DCLRE1A: variants seen among roughly 807,000 people sequenced by gnomAD.
DCLRE1A encodes the protein DNA cross-link repair 1A, also known as DNA cross-link repair 1A protein.
DCLRE1A carries 64 observed loss-of-function variants against 91.9 expected under a neutral mutation model. That is an observed-to-expected ratio of 0.70 (90% CI 0.57 to 0.86). The LOEUF (loss-of-function observed/expected upper bound fraction) is 0.86, where lower values mean the gene tolerates loss of function less well. DCLRE1A is among the 40% of genes least tolerant of loss of function. The pLI is 0.00. For synonymous variants in DCLRE1A, 416 were observed against 431.1 expected, an observed-to-expected ratio of 0.96 and a Z score of 0.43; for missense variants, 1,145 against 1,213.3, an observed-to-expected ratio of 0.94 and a Z score of 0.84.
intron 7 of DCLRE1A, 73 bp from the exon 8 acceptor site, chr10:113,837,276 G>GTT (rs1295828576): frequency 7.2e-7 from 1 of 1,397,360 alleles, no homozygotes; most frequent in African/African-American, 1.4e-5. Flanking sequence ...GATTAAAGAT[G>GTT]TTATACTGGC....
At chr10:113,838,875 T>C (rs1845401377) in intron 7 of DCLRE1A, among the ~76,000 whole-genome samples, 2 of 152,188 alleles carry the variant, frequency 1.3e-5, no homozygotes, top group South Asian at 4.1e-4. Flanking sequence ...TTTCAAAGGC[T>C]TTCAGGCATG....
At position 113,845,692 on chromosome 10, in the gene DCLRE1A, C is replaced by A; in HGVS notation, c.2371G>T (p.Ala791Ser). ...GATGACTTTAATACTTACTGATTGG[C>A]ATCAAGCAAAACAACTTTGACACCA... ...VNGVKVVLLDANHCPGAVMIL... is the reference protein window; with the variant it reads ...VNGVKVVLLDSNHCPGAVMIL... Residue 791 changes from alanine to serine, a missense_variant, in exon 4 of 9, where the codon GCC becomes TCC. Ala to Ser is a moderately conservative substitution (Grantham distance 99, BLOSUM62 1). Coordinates refer to ENST00000361384, the MANE Select transcript of DCLRE1A (RefSeq NM_014881.5). 2 of 1,613,490 alleles carry A rather than the reference C, an allele frequency of 1.2e-6. No homozygotes were observed. Among genetic ancestry groups the A allele is most frequent in the Non-Finnish European group, 1.7e-6 (2 of 1,179,454 alleles).
chr10:113,849,536 T>G lies in DCLRE1A; in HGVS notation c.1569A>C (p.Thr523=), dbSNP rs376036672. ...GAGCAGGTGTACTAGACAAGTTTTC[T>G]GTATTTAAAATTGTAGCTTTACCAA... The part of the protein sequence containing the change: ...VPVGKATILN[T]ENLSSTPAPK... The change falls in exon 2 of 9, where the codon ACA becomes ACC. Residue 523 remains threonine (T), a synonymous_variant. Coordinates refer to ENST00000361384, the MANE Select transcript of DCLRE1A (RefSeq NM_014881.5). 9.9e-6 allele frequency: 16 copies of G among 1,613,722 alleles called. No homozygotes were observed. In the Admixed American group the frequency reaches 2.2e-4, roughly 22 times the overall value.
At chr10:113,840,836 C>T (rs1845434640) in intron 7 of DCLRE1A, among the ~76,000 whole-genome samples, 1 of 152,082 alleles carries the variant, frequency 6.6e-6, no homozygotes, top group Non-Finnish European at 1.5e-5. Flanking sequence ...ATGGAATAAA[C>T]GTTAGTTAGT....
At position 113,837,142 on chromosome 10, in the gene DCLRE1A, G is replaced by A. The variant is rs757564329; in HGVS notation, c.2882C>T (p.Pro961Leu). Residue 961 changes from proline to leucine, a missense_variant, in exon 8 of 9, where the codon CCT becomes CTT. Physicochemically the swap from Pro to Leu is moderately conservative, Grantham distance 98. Coordinates refer to ENST00000361384, the MANE Select transcript of DCLRE1A (RefSeq NM_014881.5). Reference sequence around the variant, plus strand: ...CTTGTTAGAGTGTGTCCATCCTGTAGGTCGAAATGCCAAAATCTGATTGTA... The same window carrying A: ...CTTGTTAGAGTGTGTCCATCCTGTAAGTCGAAATGCCAAAATCTGATTGTA... ...GKYNQILAFRPTGWTHSNKFT... is the reference protein window; with the variant it reads ...GKYNQILAFRLTGWTHSNKFT... The A allele has an allele frequency of 2.5e-6, 4 of 1,613,382 alleles. No homozygotes were observed. The highest frequency in any genetic ancestry group is 4.5e-5 in the East Asian group (2 of 44,800).
Position 113,842,507 on chromosome 10 carries a change from G to C in DCLRE1A, c.2520-19C>G, listed in dbSNP as rs199662781. On this transcript the variant is annotated intron_variant, in intron 5 of 8. Coordinates refer to ENST00000361384, the MANE Select transcript of DCLRE1A (RefSeq NM_014881.5). ...ACAATATCTGTGGTATGGAAACATG[G>C]TACTTACTAAAAGAACAATAAAAAA... 5.0e-6 allele frequency: 8 copies of C among 1,603,890 alleles called. No individual in the cohort carries two copies. In the East Asian group the frequency reaches 1.6e-4, roughly 31 times the overall value.
At chr10:113,836,527 G>A (rs1343748628) in intron 8 of DCLRE1A, among the ~76,000 whole-genome samples, 3 of 152,096 alleles carry the variant, frequency 2.0e-5, no homozygotes, top group Non-Finnish European at 4.4e-5. Context: ...TGAAGATCAA[G>A]TACCACAGAG....
Position 113,849,436 on chromosome 10 carries a change from T to C in DCLRE1A, c.1669A>G (p.Met557Val), listed in dbSNP as rs1424574666. 1 of 1,614,126 alleles carries C rather than the reference T, an allele frequency of 6.2e-7. No individual in the cohort carries two copies. The highest frequency in any genetic ancestry group is 1.1e-5 in the South Asian group (1 of 91,078). Reference sequence around the variant, plus strand: ...AGTCCAAAATACACACCTATATCCATTTGCTTCATTACCTTGGTAGAAGGA... The same window carrying C: ...AGTCCAAAATACACACCTATATCCACTTGCTTCATTACCTTGGTAGAAGGA... ...RHPSTKVMKQMDIGVYFGLPP... is the reference protein window; with the variant it reads ...RHPSTKVMKQVDIGVYFGLPP... The change falls in exon 2 of 9, where the codon ATG (methionine) becomes GTG (valine). Residue 557 changes from methionine (M) to valine (V), a missense_variant. Met to Val is a conservative substitution (Grantham distance 21). Transcript: ENST00000361384.
rs752971626 is a variant in DCLRE1A, at chr10:113,844,147, G to A, written c.2476C>T (p.Leu826Phe). Residue 826 changes from leucine to phenylalanine, a missense_variant, in exon 5 of 9, where the codon CTT (leucine) becomes TTT (phenylalanine). Coordinates refer to ENST00000361384, the MANE Select transcript of DCLRE1A (RefSeq NM_014881.5). ...ATATGGACTTTCTGGTCCGCAAGAA[G>A]AGAACGTTCCATGCTGGGATCTGCT... is the stretch of plus-strand genomic sequence containing the variant. ...FRADPSMERS[L>F]LADQKVHMLY... The A allele has an allele frequency of 6.2e-7, 1 of 1,614,176 alleles. No homozygotes were observed. Among genetic ancestry groups the A allele is most frequent in the Non-Finnish European group, 8.5e-7 (1 of 1,180,022 alleles).
In DCLRE1A at chr10:113,841,486, G is replaced by A. The variant is rs377452937; in HGVS notation, c.2740C>T (p.Pro914Ser). The change falls in exon 7 of 9, where the codon CCA becomes TCA. Residue 914 changes from proline to serine, a missense_variant. Coordinates refer to ENST00000361384, the MANE Select transcript of DCLRE1A (RefSeq NM_014881.5). The part of the protein sequence containing the change: ...KYKTLQCLNI[P>S]EINSLITTDM... ...GTAGTGATGAGTGAATTAATTTCTG[G>A]TATATTGAGGCACTGTAGAGTTTTA... is the stretch of plus-strand genomic sequence containing the variant. The A allele has an allele frequency of 5.6e-6, 9 of 1,613,404 alleles. No individual in the cohort carries two copies. The African/African-American group carries it at 8.0e-5, about 14-fold the overall frequency.
chr10:113,848,700 C>T (rs1165199027), intron 2 of DCLRE1A, among the ~76,000 whole-genome samples: 2 of 152,102 alleles, frequency 1.3e-5, no homozygotes, highest in African/African-American at 2.4e-5. Context: ...ATCCCTATTC[C>T]TCTCTTACTA....
Position 113,853,197 on chromosome 10 carries a change from A to G in DCLRE1A, c.-15T>C. On this transcript the variant is annotated 5_prime_UTR_variant, in exon 1 of 9. Transcript: ENST00000361384. ...TCTTCTAACATGGCAAAATGATTTTATCATTCAAGAAGTATTAATCTTAAG... is the reference window on the plus strand; with the variant it reads ...TCTTCTAACATGGCAAAATGATTTTGTCATTCAAGAAGTATTAATCTTAAG... 1 of 1,518,930 alleles carries G rather than the reference A, an allele frequency of 6.6e-7. No individual in the cohort carries two copies. Among genetic ancestry groups the G allele is most frequent in the East Asian group, 2.3e-5 (1 of 44,386 alleles). 94.1% of individuals were successfully genotyped at this position (1,518,930 alleles called of 1,614,324 possible).
At chr10:113,837,324 C>A in intron 7 of DCLRE1A, 121 bp from the exon 8 acceptor site, 1 of 784,012 alleles carries the variant, frequency 1.3e-6, no homozygotes, top group Non-Finnish European at 1.9e-6. Context: ...GCATTAGCTT[C>A]AACAACCTAG....
At position 113,849,344 on chromosome 10, in the gene DCLRE1A, T is replaced by C; in HGVS notation, c.1761A>G (p.Pro587=). Residue 587 remains proline (P), a synonymous_variant, in exon 2 of 9, where the codon CCA becomes CCG. Coordinates refer to ENST00000361384, the MANE Select transcript of DCLRE1A (RefSeq NM_014881.5). ...ACCTCTTTTGATTAGGACTTGGAAC[T>C]GGATTTAAGTTTATCCCTTCTAATG... ...ESALEGINLN[P]VPSPNQKRSS... is the part of the protein sequence containing the mutation. The C allele has an allele frequency of 6.2e-7, 1 of 1,614,172 alleles. No individual in the cohort carries two copies. The highest frequency in any genetic ancestry group is 8.5e-7 in the Non-Finnish European group (1 of 1,180,014).
chr10:113,839,344 A>G (rs1303408349), intron 7 of DCLRE1A, among the ~76,000 whole-genome samples: 1 of 151,402 alleles, frequency 6.6e-6, no homozygotes, highest in African/African-American at 2.4e-5. Context: ...AAAAAAAAAA[A>G]AAAAAAGAAA....
In DCLRE1A at chr10:113,835,011, A is replaced by C. The variant is rs1484763419; in HGVS notation, c.*141T>G. ...ATTCAGCACCACGAACATGTTGTTC[A>C]AACATAAATGAGAAAATAAAGTATC... On this transcript the variant is annotated 3_prime_UTR_variant, in exon 9 of 9. Transcript: ENST00000361384. The C allele has an allele frequency of 4.6e-5, 41 of 898,096 alleles. No individual in the cohort carries two copies. The highest frequency in any genetic ancestry group is 6.5e-5 in the Non-Finnish European group (39 of 599,212). The allele number at this position is 898,096 out of a possible 1,614,324, so 55.6% of individuals were successfully genotyped here.
intron 5 of DCLRE1A, 108 bp downstream of exon 5, chr10:113,843,996 A>G: frequency 6.9e-7 from 1 of 1,451,706 alleles, no homozygotes; most frequent in Non-Finnish European, 9.3e-7. Flanking sequence ...CCTCTGATAA[A>G]GAGCCTTAAA....
rs1211203555 is a variant in DCLRE1A, at chr10:113,844,613, T to C, written c.2379-369A>G. On this transcript the variant is annotated intron_variant, in intron 4 of 8. Coordinates refer to ENST00000361384, the MANE Select transcript of DCLRE1A (RefSeq NM_014881.5). ...AGCTTGACGCTAACTTTGTGATCTATGGTGAAAACCCCATAAAGTTGACTT... is the reference window on the plus strand; with the variant it reads ...AGCTTGACGCTAACTTTGTGATCTACGGTGAAAACCCCATAAAGTTGACTT... Among the ~76,000 whole-genome samples the C allele has an allele frequency of 2.6e-5, 4 of 152,196 alleles. No homozygotes were observed. In the East Asian group the frequency reaches 5.8e-4, roughly 22 times the overall value.
intron 5 of DCLRE1A, 116 bp from the exon 6 acceptor site, chr10:113,842,604 T>C (rs1845463910): frequency 2.3e-6 from 2 of 872,554 alleles, no homozygotes; most frequent in Non-Finnish European, 3.4e-6. Context: ...CAATGTAATA[T>C]ATTAATACCA....
Sources: gnomAD v4.1 joint callset for allele counts (sites outside exome capture counted in the v4.1 genomes callset) on GRCh38, gnomAD v4.1.1 for gene constraint, MANE v1.5 for transcripts, NCBI Gene and HGNC (gene_info 2026-07-23, HGNC 2026-07-21) for gene names.